The following SNX16 variants were observed in gnomAD, a reference collection of about 807,000 sequenced individuals.
SNX16 encodes sorting nexin 16.
A neutral mutation model predicts 36.7 loss-of-function variants in SNX16; 35 were observed. The observed-to-expected ratio is 0.95, with a 90% confidence interval of 0.73 to 1.27. The LOEUF (loss-of-function observed/expected upper bound fraction) is 1.27, where lower values mean the gene tolerates loss of function less well. Among genes scored for constraint, SNX16 ranks in the 50% most tolerant of loss-of-function variants. SNX16 has a pLI of 0.00. For synonymous variants in SNX16, 134 were observed against 132.0 expected (o/e 1.02, Z -0.10); for missense variants, 367 against 393.6 (o/e 0.93, Z 0.57).
At chr8:81,837,594 A>C (rs1478010800) in intron 2 of SNX16, among the ~76,000 whole-genome samples, 1 of 152,184 alleles carries the variant, frequency 6.6e-6, no homozygotes, top group Non-Finnish European at 1.5e-5. Context: ...TGTGTAAAGG[A>C]CAAAAAGCTC....
At chr8:81,802,972 A>G in intron 6 of SNX16, 120 bp downstream of exon 6, 7 of 929,850 alleles carry the variant, frequency 7.5e-6, no homozygotes, top group Non-Finnish European at 1.0e-5. Flanking sequence ...GAAGTATGCC[A>G]AAAGCCTACA....
intron 4 of SNX16, among the ~76,000 whole-genome samples, chr8:81,816,118 G>T (rs888647239): frequency 6.6e-6 from 1 of 151,274 alleles, no homozygotes; most frequent in Non-Finnish European, 1.5e-5. Flanking sequence ...AAATATAAAT[G>T]TGGATCCTTA....
chr8:81,802,548 A>C, intron 6 of SNX16, 49 bp from the exon 7 acceptor site: 1 of 1,533,306 alleles, frequency 6.5e-7, no homozygotes, highest in Non-Finnish European at 8.9e-7. Flanking sequence ...CAAAACAGGC[A>C]TATGTTTAAT....
Position 81,803,109 on chromosome 8 carries a change from A to G in SNX16, c.801T>C (p.Thr267=). The G allele has an allele frequency of 6.2e-7, 1 of 1,608,404 alleles. No homozygotes were observed. Among genetic ancestry groups the G allele is most frequent in the Non-Finnish European group, 8.5e-7 (1 of 1,177,752 alleles). The change falls in exon 6 of 8, where the codon ACT becomes ACC. Residue 267 remains threonine, a synonymous_variant. Coordinates refer to ENST00000345957, the MANE Select transcript of SNX16 (RefSeq NM_152836.3). ...CAACACACCTGATTCTGTTCTCTAA[A>G]GTGTCTATATGAAGTTGCTTCTCAC... ...LLSEKQLHID[T]LENRIRTLSL...
In SNX16 at chr8:81,823,949, GAAGAA is replaced by G; in HGVS notation, c.463-14_463-10del. 6.2e-7 allele frequency: 1 copy of G among 1,601,806 alleles called. No individual in the cohort carries two copies. Among genetic ancestry groups the G allele is most frequent in the South Asian group, 1.1e-5 (1 of 88,214 alleles). On this transcript the variant is annotated splice_polypyrimidine_tract_variant and intron_variant, in intron 3 of 7. Coordinates refer to ENST00000345957, the MANE Select transcript of SNX16 (RefSeq NM_152836.3). ...GGAAACATCTCTTTTAACTGAAAAA[GAAGAA>G]AAGAGCAAATACAATGTTTAACTCA...
intron 1 of SNX16, among the ~76,000 whole-genome samples, chr8:81,841,478 T>C (rs1811769538): frequency 6.6e-6 from 1 of 151,732 alleles, no homozygotes; most frequent in Non-Finnish European, 1.5e-5. Flanking sequence ...AACAAGTAAG[T>C]CTGAAATCTC....
Position 81,823,925 on chromosome 8 carries a change from G to A in SNX16, c.478C>T (p.Pro160Ser). Residue 160 changes from proline (P) to serine (S), a missense_variant, in exon 4 of 8, where the codon CCA (proline) becomes TCA (serine). Physicochemically the swap from Pro to Ser is moderately conservative, Grantham distance 74 (BLOSUM62 -1). Transcript: ENST00000345957. ...GGAGGAAGTGCTAGTCGAAAACCTG[G>A]AAACATCTCTTTTAACTGAAAAAGA... ...RLNDKLKEMF[P>S]GFRLALPPKR... 1 of 1,609,362 alleles carries A rather than the reference G, an allele frequency of 6.2e-7. No homozygotes were observed. Among genetic ancestry groups the A allele is most frequent in the African/African-American group, 1.3e-5 (1 of 74,748 alleles).
At chr8:81,807,066 A>G (rs187027093) in intron 5 of SNX16, among the ~76,000 whole-genome samples, 30 of 152,310 alleles carry the variant, frequency 2.0e-4, no homozygotes, top group Admixed American at 1.8e-3. Flanking sequence ...TGGCAATAGG[A>G]TTTTTTCATG....
At chr8:81,834,977 C>T (rs1181397992) in intron 2 of SNX16, among the ~76,000 whole-genome samples, 2 of 152,228 alleles carry the variant, frequency 1.3e-5, no homozygotes, top group Non-Finnish European at 2.9e-5. Flanking sequence ...TTCCACACAG[C>T]CCTAGCAGCA....
At chr8:81,822,437 G>C (rs1197836920) in intron 4 of SNX16, among the ~76,000 whole-genome samples, 1 of 152,076 alleles carries the variant, frequency 6.6e-6, no homozygotes, top group Admixed American at 6.5e-5. Context: ...AAGGCAGGCA[G>C]GCAGGGACCA....
chr8:81,802,562 G>A lies in SNX16; in HGVS notation c.819-63C>T, dbSNP rs1021855258. ...ACAAAACAGGCATATGTTTAATGTT[G>A]TGAATACAGGTAGCTATAGCAGTCT... is the stretch of plus-strand genomic sequence containing the variant. On this transcript the variant is annotated intron_variant, in intron 6 of 7. Coordinates refer to ENST00000345957, the MANE Select transcript of SNX16 (RefSeq NM_152836.3). 163 of 1,409,040 alleles carry A rather than the reference G, an allele frequency of 1.2e-4. 2 individuals carry two copies. The highest frequency in any genetic ancestry group is 1.5e-4 in the Non-Finnish European group (153 of 1,024,280). The allele number at this position is 1,409,040 out of a possible 1,614,324, so 87.3% of individuals were successfully genotyped here.
chr8:81,806,635 C>T (rs902714513), intron 5 of SNX16, among the ~76,000 whole-genome samples: 10 of 152,068 alleles, frequency 6.6e-5, no homozygotes, highest in African/African-American at 2.4e-4. Flanking sequence ...GAAAAGGATG[C>T]CCACCATAAT....
rs79090929 is a variant in SNX16 at position 81,836,615 on chromosome 8, G to A, written c.375+2997C>T. ...TTCCAAATCATTAGGAAATATTGCC[G>A]GTTCTACTTTTAAAACAAATCCAGA... On this transcript the variant is annotated intron_variant, in intron 2 of 7. Transcript: ENST00000345957. Among the ~76,000 whole-genome samples, 335 of 152,130 alleles carry A rather than the reference G, an allele frequency of 2.2e-3. 1 individual carries two copies. Among genetic ancestry groups the A allele is most frequent in the African/African-American group, 7.7e-3 (319 of 41,490 alleles).
chr8:81,823,742 G>A (rs373529524), intron 4 of SNX16, 50 bp downstream of exon 4: 33 of 1,456,404 alleles, frequency 2.3e-5, no homozygotes, highest in African/African-American at 2.0e-4. Context: ...TTTAATTTAC[G>A]CCAGTTATTG....
chr8:81,807,996 G>A, intron 5 of SNX16: 1 of 817,208 alleles, frequency 1.2e-6, no homozygotes, highest in South Asian at 1.3e-5. Context: ...TGAATGCAAG[G>A]CCACAGAAGG....
chr8:81,817,792 CT>C (rs1299803094), intron 4 of SNX16, among the ~76,000 whole-genome samples: 1 of 152,062 alleles, frequency 6.6e-6, no homozygotes, highest in Non-Finnish European at 1.5e-5. Flanking sequence ...ATTTTTCCCC[CT>C]AGGAAAGGAA....
At chr8:81,814,359 T>A (rs187118519) in intron 5 of SNX16, among the ~76,000 whole-genome samples, 5 of 152,076 alleles carry the variant, frequency 3.3e-5, no homozygotes, top group Non-Finnish European at 7.4e-5. Context: ...ATAAAAGTTA[T>A]GTATATGGTA....
intron 5 of SNX16, among the ~76,000 whole-genome samples, chr8:81,811,358 A>G (rs1461276737): frequency 6.6e-6 from 1 of 152,180 alleles, no homozygotes; most frequent in African/African-American, 2.4e-5. Context: ...ATGCGTGTAT[A>G]GAATAGGAGA....
At chr8:81,806,721 G>A (rs1809967374) in intron 5 of SNX16, among the ~76,000 whole-genome samples, 1 of 151,882 alleles carries the variant, frequency 6.6e-6, no homozygotes, top group Non-Finnish European at 1.5e-5. Context: ...TACGTATTAG[G>A]AAAAAACACA....
Sources: gnomAD v4.1 joint callset for allele counts (sites outside exome capture counted in the v4.1 genomes callset) on GRCh38, gnomAD v4.1.1 for gene constraint, MANE v1.5 for transcripts, NCBI Gene and HGNC (gene_info 2026-07-23, HGNC 2026-07-21) for gene names.